The following GPC5 variants were observed in gnomAD, a reference collection of about 807,000 sequenced individuals.
GPC5 encodes glypican-5.
A neutral mutation model predicts 53.9 loss-of-function variants in GPC5; 47 were observed. The observed-to-expected ratio is 0.87, with a 90% CI of 0.69 to 1.11. GPC5 has a LOEUF of 1.11. Among genes scored for constraint, GPC5 ranks in the 50% most tolerant of loss-of-function variants. The pLI is 0.00. For missense variants in GPC5, 748 were observed against 713.1 expected, an observed-to-expected ratio of 1.05 and a Z score of -0.56; for synonymous variants, 286 against 263.3, an observed-to-expected ratio of 1.09 and a Z score of -0.84.
At chr13:91,579,069 A>T (rs1463004047) in intron 2 of GPC5, among the ~76,000 whole-genome samples, 1 of 152,260 alleles carries the variant, frequency 6.6e-6, no homozygotes, top group East Asian at 1.9e-4. Flanking sequence ...AAATTAATAA[A>T]TTTTAAAGGT....
intron 6 of GPC5, among the ~76,000 whole-genome samples, chr13:92,048,499 T>C (rs1391328266): frequency 6.6e-6 from 1 of 152,268 alleles, no homozygotes; most frequent in East Asian, 1.9e-4. Flanking sequence ...AGAGGCTTCT[T>C]CTGTGCTAGG....
intron 7 of GPC5, among the ~76,000 whole-genome samples, chr13:92,547,906 T>C (rs1294461353): frequency 2.8e-5 from 4 of 141,628 alleles, no homozygotes; most frequent in Non-Finnish European, 4.5e-5. Flanking sequence ...CTCGGCTCAC[T>C]GCAAGCTCCG....
At chr13:91,478,795 T>TTATATATATGTATATA (rs1431415864) in intron 2 of GPC5, among the ~76,000 whole-genome samples, 2 of 55,394 alleles carry the variant, frequency 3.6e-5, no homozygotes, top group African/African-American at 1.4e-4. Context: ...CCATTTGAGT[T>TTATATATATGTATATA]TATATATATA....
rs570740758 is a variant in GPC5 at position 92,283,203 on chromosome 13, A to G, written c.1561+138214A>G. 1.9e-3 allele frequency among the ~76,000 whole-genome samples: 288 copies of G among 152,346 alleles called. 2 individuals carry two copies. Among genetic ancestry groups the G allele is most frequent in the Middle Eastern group, 6.8e-3 (2 of 294 alleles). ...ATAAGAAGAGCTAAATATCCTAAAT[A>G]TATATGCACCCAATACAGGAGTAAC... is the stretch of plus-strand genomic sequence containing the variant. On this transcript the variant is annotated intron_variant, in intron 7 of 7. Coordinates refer to ENST00000377067, the MANE Select transcript of GPC5 (RefSeq NM_004466.6).
At chr13:92,713,165 C>G (rs1888198942) in intron 7 of GPC5, among the ~76,000 whole-genome samples, 1 of 152,092 alleles carries the variant, frequency 6.6e-6, no homozygotes, top group South Asian at 2.1e-4. Context: ...CAGTTATCCA[C>G]AGACCAAGGA....
At chr13:92,217,438 T>C (rs995036529) in intron 7 of GPC5, among the ~76,000 whole-genome samples, 14 of 152,320 alleles carry the variant, frequency 9.2e-5, no homozygotes, top group African/African-American at 3.4e-4. Flanking sequence ...TGACAGCTGA[T>C]CACCCTGGCC....
At chr13:92,506,131 C>G (rs567550428) in intron 7 of GPC5, among the ~76,000 whole-genome samples, 1 of 152,050 alleles carries the variant, frequency 6.6e-6, no homozygotes, top group East Asian at 1.9e-4. Context: ...TAAATATGAC[C>G]TTAAAAATAA....
intron 7 of GPC5, among the ~76,000 whole-genome samples, chr13:92,522,992 C>G (rs1006394031): frequency 4.6e-5 from 7 of 152,008 alleles, no homozygotes; most frequent in African/African-American, 1.7e-4. Context: ...TTAGACTGTG[C>G]AAGAATGAAC....
chr13:91,723,376 C>T (rs1165716958), intron 3 of GPC5, among the ~76,000 whole-genome samples: 1 of 151,742 alleles, frequency 6.6e-6, no homozygotes, highest in Non-Finnish European at 1.5e-5. Flanking sequence ...GCATGCAATT[C>T]TATTCATTAA....
chr13:91,447,064 A>G (rs1455727277), intron 1 of GPC5, among the ~76,000 whole-genome samples: 1 of 152,194 alleles, frequency 6.6e-6, no homozygotes, highest in Non-Finnish European at 1.5e-5. Context: ...GAGGGAGGAA[A>G]GGAAGGATCA....
intron 7 of GPC5, among the ~76,000 whole-genome samples, chr13:92,794,505 T>A (rs776550711): frequency 4.6e-5 from 7 of 152,174 alleles, no homozygotes; most frequent in Non-Finnish European, 8.8e-5. Context: ...ACCATTCCTA[T>A]TCAACACAGT....
chr13:91,429,489 G>T (rs1422196899), intron 1 of GPC5, among the ~76,000 whole-genome samples: 1 of 152,094 alleles, frequency 6.6e-6, no homozygotes, highest in Non-Finnish European at 1.5e-5. Flanking sequence ...AGTAGAGATT[G>T]GTTAATTCTA....
chr13:91,467,979 C>G (rs1460736646), intron 2 of GPC5, among the ~76,000 whole-genome samples: 4 of 152,162 alleles, frequency 2.6e-5, no homozygotes, highest in Non-Finnish European at 5.9e-5. Context: ...ATCGCTGGCT[C>G]ACATCCATGG....
At chr13:91,765,949 C>G (rs1233319808) in intron 5 of GPC5, among the ~76,000 whole-genome samples, 1 of 152,128 alleles carries the variant, frequency 6.6e-6, no homozygotes. Context: ...GAGTGTTATA[C>G]TATATTTTCT....
chr13:92,747,070 A>G lies in GPC5; in HGVS notation c.1562-119212A>G, dbSNP rs146887151. 1.1e-3 allele frequency among the ~76,000 whole-genome samples: 165 copies of G among 152,280 alleles called. 2 individuals carry two copies. The highest frequency in any genetic ancestry group is 4.5e-3 in the Admixed American group (69 of 15,282). Reference sequence around the variant, plus strand: ...CATGGAAAAGGTACAGTAAAGGTACAGTTATACAATCTTATGGGACCACTA... The same window carrying G: ...CATGGAAAAGGTACAGTAAAGGTACGGTTATACAATCTTATGGGACCACTA... On this transcript the variant is annotated intron_variant, in intron 7 of 7. Transcript: ENST00000377067.
chr13:91,884,801 A>G (rs1190503804), intron 5 of GPC5, among the ~76,000 whole-genome samples: 2 of 152,190 alleles, frequency 1.3e-5, no homozygotes, highest in East Asian at 3.9e-4. Context: ...ATTTTGAGTA[A>G]GCCTACAAAA....
chr13:91,606,363 T>C (rs2139274924), intron 2 of GPC5, among the ~76,000 whole-genome samples: 1 of 149,168 alleles, frequency 6.7e-6, no homozygotes, highest in African/African-American at 2.5e-5. Context: ...TTGCCAGTAT[T>C]TTATTGAGGA....
chr13:92,496,663 C>T (rs1176471982), intron 7 of GPC5, among the ~76,000 whole-genome samples: 3 of 152,136 alleles, frequency 2.0e-5, no homozygotes, highest in Non-Finnish European at 2.9e-5. Context: ...GAACTCAGTA[C>T]CGCCAGCACA....
At position 92,232,981 on chromosome 13, in the gene GPC5, A is replaced by G. The variant is rs2042542495; in HGVS notation, c.1561+87992A>G. Reference sequence around the variant, plus strand: ...GTGTTCTTTCAAAAATTACTTGAACAAAATCGAGCATTTCTATCATATGTG... The same window carrying G: ...GTGTTCTTTCAAAAATTACTTGAACGAAATCGAGCATTTCTATCATATGTG... On this transcript the variant is annotated intron_variant, in intron 7 of 7. Coordinates refer to ENST00000377067, the MANE Select transcript of GPC5 (RefSeq NM_004466.6). Among the ~76,000 whole-genome samples the G allele has an allele frequency of 2.0e-5, 3 of 152,216 alleles. No homozygotes were observed. The South Asian group carries it at 6.2e-4, about 31-fold the overall frequency.
Sources: gnomAD v4.1 joint callset for allele counts (sites outside exome capture counted in the v4.1 genomes callset) on GRCh38, gnomAD v4.1.1 for gene constraint, MANE v1.5 for transcripts, NCBI Gene and HGNC (gene_info 2026-07-23, HGNC 2026-07-21) for gene names.